STAG1: variants seen among roughly 807,000 people sequenced by gnomAD.
STAG1 encodes the protein STAG1 cohesin complex component, also known as cohesin subunit SA-1.
Under a neutral mutation model 170.9 loss-of-function variants are expected in STAG1, and 26 were observed. The ratio of observed to expected loss-of-function variants is 0.15; its 90% CI spans 0.11 to 0.21. The LOEUF is 0.21. Ranked by LOEUF, STAG1 falls within the 10% of genes least tolerant of loss-of-function variation. The pLI is 1.00. For missense variants in STAG1, 964 were observed against 1,509.5 expected, an observed-to-expected ratio of 0.64 and a Z score of 5.99; for synonymous variants, 514 against 497.7, an observed-to-expected ratio of 1.03 and a Z score of -0.44.
intron 32 of STAG1, 121 bp downstream of exon 32, chr3:136,340,370 C>T (rs1485953765): frequency 1.6e-6 from 1 of 632,164 alleles, no homozygotes; most frequent in Non-Finnish European, 2.9e-6. Flanking sequence ...GATCCACCCA[C>T]CTCAGCCTCC....
intron 5 of STAG1, among the ~76,000 whole-genome samples, chr3:136,555,629 A>C (rs1424701173): frequency 6.6e-6 from 1 of 152,092 alleles, no homozygotes; most frequent in African/African-American, 2.4e-5. Context: ...GGTTGCAGTG[A>C]GCCGTGTTTG....
Position 136,468,492 on chromosome 3 carries a change from C to T in STAG1, c.1206-3504G>A, listed in dbSNP as rs1307380522. The stretch of plus-strand genomic sequence containing the variant: ...AATCCCTGAATAGACCAATAACAGG[C>T]TCTGAAATTGAGACAATACTTAATA... On this transcript the variant is annotated intron_variant, in intron 12 of 33. Coordinates refer to ENST00000383202, the MANE Select transcript of STAG1 (RefSeq NM_005862.3). Among the ~76,000 whole-genome samples the T allele has an allele frequency of 3.9e-5, 6 of 152,078 alleles. No homozygotes were observed. In the East Asian group the frequency reaches 7.7e-4, roughly 20 times the overall value.
intron 13 of STAG1, among the ~76,000 whole-genome samples, chr3:136,453,329 C>T (rs1220379520): frequency 2.0e-5 from 3 of 152,094 alleles, no homozygotes; most frequent in East Asian, 1.9e-4. Flanking sequence ...CGGTGGCTCA[C>T]GCCTATAATC....
At chr3:136,716,929 T>C (rs1943555375) in intron 1 of STAG1, among the ~76,000 whole-genome samples, 1 of 152,238 alleles carries the variant, frequency 6.6e-6, no homozygotes, top group Non-Finnish European at 1.5e-5. Flanking sequence ...ACAATACATA[T>C]CTTCTGTAAA....
At chr3:136,715,477 A>G (rs926346959) in intron 1 of STAG1, among the ~76,000 whole-genome samples, 1 of 151,874 alleles carries the variant, frequency 6.6e-6, no homozygotes, top group Non-Finnish European at 1.5e-5. Flanking sequence ...AAAATTAGCC[A>G]GGCATGGTGG....
At chr3:136,498,210 T>TATA (rs1274164696) in intron 9 of STAG1, among the ~76,000 whole-genome samples, 24 of 50,830 alleles carry the variant, frequency 4.7e-4, no homozygotes, top group African/African-American at 2.6e-3. Context: ...AAAAAAAAAA[T>TATA]TATATATATA....
chr3:136,589,316 T>TTG, intron 4 of STAG1, among the ~76,000 whole-genome samples: 1 of 151,856 alleles, frequency 6.6e-6, no homozygotes, highest in East Asian at 2.0e-4. Flanking sequence ...CTGACCAACA[T>TTG]GGTGAAACCC....
At chr3:136,661,383 G>A (rs1236653038) in intron 1 of STAG1, among the ~76,000 whole-genome samples, 1 of 152,144 alleles carries the variant, frequency 6.6e-6, no homozygotes, top group African/African-American at 2.4e-5. Context: ...CTTTTTGAGA[G>A]CCTATATGAT....
intron 3 of STAG1, among the ~76,000 whole-genome samples, chr3:136,618,830 AT>A (rs1351383500): frequency 5.9e-5 from 9 of 152,326 alleles, no homozygotes; most frequent in African/African-American, 2.2e-4. Context: ...GTAAGAAAAA[AT>A]GTCCTTGACT....
At chr3:136,550,215 C>A (rs1241890636) in intron 5 of STAG1, among the ~76,000 whole-genome samples, 1 of 151,884 alleles carries the variant, frequency 6.6e-6, no homozygotes, top group Non-Finnish European at 1.5e-5. Context: ...GGCATTAATT[C>A]TTTAAATGTT....
chr3:136,734,415 C>T (rs1268727034), intron 1 of STAG1, among the ~76,000 whole-genome samples: 2 of 151,998 alleles, frequency 1.3e-5, no homozygotes, highest in East Asian at 3.9e-4. Flanking sequence ...ACCTTTAAAC[C>T]AATTTAACAA....
Position 136,476,054 on chromosome 3 carries a change from G to C in STAG1, c.1026+1235C>G, listed in dbSNP as rs148353605. Among the ~76,000 whole-genome samples the C allele has an allele frequency of 1.3e-3, 191 of 152,322 alleles. 1 individual carries two copies. Among genetic ancestry groups the C allele is most frequent in the African/African-American group, 4.2e-3 (176 of 41,572 alleles). On this transcript the variant is annotated intron_variant, in intron 10 of 33. Transcript: ENST00000383202. The stretch of plus-strand genomic sequence containing the variant: ...TAAAGGATATCTGGGTAGATGCAGT[G>C]AGAATCTTGAACTCCCCATTTCCTC...
intron 1 of STAG1, among the ~76,000 whole-genome samples, chr3:136,724,235 G>C (rs2107933359): frequency 6.6e-6 from 1 of 152,054 alleles, no homozygotes; most frequent in South Asian, 2.1e-4. Context: ...AGACACGGGA[G>C]ACTTTTCATT....
chr3:136,411,254 C>G (rs2107711707), intron 21 of STAG1, among the ~76,000 whole-genome samples: 1 of 151,944 alleles, frequency 6.6e-6, no homozygotes, highest in East Asian at 1.9e-4. Flanking sequence ...GTTGTACAAA[C>G]TATAAAGCAG....
intron 4 of STAG1, among the ~76,000 whole-genome samples, chr3:136,584,504 C>A (rs1937709904): frequency 6.6e-6 from 1 of 152,192 alleles, no homozygotes; most frequent in Non-Finnish European, 1.5e-5. Flanking sequence ...ACTCCTCCAC[C>A]TTGTGATAGA....
intron 6 of STAG1, among the ~76,000 whole-genome samples, chr3:136,524,433 C>G (rs549907111): frequency 6.3e-4 from 96 of 152,090 alleles, no homozygotes; most frequent in Non-Finnish European, 5.4e-4. Flanking sequence ...TGTGATTTTT[C>G]CACATTGATT....
At chr3:136,710,942 G>C (rs965503726) in intron 1 of STAG1, among the ~76,000 whole-genome samples, 1 of 151,844 alleles carries the variant, frequency 6.6e-6, no homozygotes, top group Non-Finnish European at 1.5e-5. Flanking sequence ...ATAAATACTG[G>C]AGATGCTTTA....
At chr3:136,390,848 G>A (rs2086990125) in intron 22 of STAG1, among the ~76,000 whole-genome samples, 1 of 152,174 alleles carries the variant, frequency 6.6e-6, no homozygotes, top group South Asian at 2.1e-4. Flanking sequence ...AGAAAAGAAA[G>A]AGCTACAGAA....
intron 1 of STAG1, among the ~76,000 whole-genome samples, chr3:136,677,843 G>A (rs1298895331): frequency 1.3e-5 from 2 of 149,624 alleles, no homozygotes; most frequent in Admixed American, 6.7e-5. Flanking sequence ...AGAGAAGGAA[G>A]TGAGATTAAA....
Sources: allele counts gnomAD v4.1 joint callset (sites outside exome capture counted in the v4.1 genomes callset), GRCh38; gene constraint gnomAD v4.1.1; transcripts MANE v1.5; gene names NCBI Gene and HGNC (gene_info 2026-07-23, HGNC 2026-07-21).